FUT8: variants seen among roughly 807,000 people sequenced by gnomAD.
FUT8 encodes the protein fucosyltransferase 8, also known as alpha-(1,6)-fucosyltransferase.
In FUT8, 29 loss-of-function variants were observed where a neutral mutation model predicts 71.3. That is an observed-to-expected ratio of 0.41 (90% CI 0.30 to 0.55). The LOEUF is 0.55. FUT8 is among the 20% of genes least tolerant of loss of function. The probability of loss-of-function intolerance (pLI) is 0.34; values close to 1 mark genes in which losing one functional copy is unlikely to be tolerated. For synonymous variants in FUT8, 254 were observed against 239.3 expected (o/e 1.06, Z -0.57); for missense variants, 544 against 702.1 (o/e 0.77, Z 2.55).
chr14:65,451,605 G>T (rs1322880787), intron 1 of FUT8, among the ~76,000 whole-genome samples: 1 of 152,190 alleles, frequency 6.6e-6, no homozygotes, highest in East Asian at 1.9e-4. Context: ...CTCTTGTCTG[G>T]CGCCCAGGAA....
chr14:65,730,208 A>G (rs1280208256), intron 9 of FUT8, among the ~76,000 whole-genome samples: 8 of 152,218 alleles, frequency 5.3e-5, no homozygotes, highest in Admixed American at 5.2e-4. Context: ...AATGATGTAT[A>G]GTGTTCACAC....
chr14:65,701,778 G>A (rs902919594), intron 7 of FUT8, among the ~76,000 whole-genome samples: 1 of 152,084 alleles, frequency 6.6e-6, no homozygotes, highest in African/African-American at 2.4e-5. Flanking sequence ...CCTAGATCTA[G>A]TACACATTAT....
intron 6 of FUT8, among the ~76,000 whole-genome samples, chr14:65,651,471 A>C (rs1005238811): frequency 1.3e-5 from 2 of 152,230 alleles, no homozygotes; most frequent in Non-Finnish European, 2.9e-5. Context: ...CAAAGTAGAA[A>C]ATTTAAACAA....
At position 65,629,300 on chromosome 14, in the gene FUT8, T is replaced by C. The variant is rs1170293972; in HGVS notation, c.483-192T>C. ...TATTTTCTCAACAGTGAAAATTTAC[T>C]ATAGGAATGACTATTGGATTTTAAG... On this transcript the variant is annotated intron_variant, in intron 5 of 10. Transcript: ENST00000673929. Among the ~76,000 whole-genome samples, 7 of 152,230 alleles carry C rather than the reference T, an allele frequency of 4.6e-5. No individual in the cohort carries two copies. The East Asian group carries it at 1.3e-3, about 29-fold the overall frequency.
intron 6 of FUT8, among the ~76,000 whole-genome samples, chr14:65,662,525 C>T (rs1892017737): frequency 6.6e-6 from 1 of 152,132 alleles, no homozygotes; most frequent in Non-Finnish European, 1.5e-5. Context: ...AAAAATGTTA[C>T]ATAATGTTGT....
the FUT8 span, among the ~76,000 whole-genome samples, chr14:65,376,113 A>C: frequency 6.6e-6 from 1 of 151,760 alleles, no homozygotes; most frequent in Admixed American, 6.6e-5. Context: ...ATAATAAAAT[A>C]AATAAAATAA....
intron 7 of FUT8, among the ~76,000 whole-genome samples, chr14:65,694,427 A>G (rs1489474146): frequency 6.6e-6 from 1 of 152,208 alleles, no homozygotes; most frequent in Non-Finnish European, 1.5e-5. Context: ...AAATAACACA[A>G]AGTGCTTCAG....
the FUT8 span, among the ~76,000 whole-genome samples, chr14:65,369,192 A>T: frequency 6.6e-6 from 1 of 152,312 alleles, no homozygotes; most frequent in African/African-American, 2.4e-5. This position sits in a 1 kb window ranked among gnomAD's most constrained non-coding sequence, Gnocchi z 4.6. Context: ...AGCCTTACAG[A>T]TTAGGTGAAT....
the FUT8 span, among the ~76,000 whole-genome samples, chr14:65,393,026 G>A: frequency 9.2e-5 from 14 of 152,316 alleles, no homozygotes; most frequent in African/African-American, 3.1e-4. Context: ...CAGACTAGGA[G>A]TGGATGTATT....
intron 5 of FUT8, chr14:65,617,142 G>C (rs1341811026): frequency 6.3e-7 from 1 of 1,593,668 alleles, no homozygotes; most frequent in African/African-American, 1.4e-5. Flanking sequence ...AAAAATTGTT[G>C]TATTAGCACA....
At chr14:65,601,965 T>C (rs1212307063) in intron 3 of FUT8, among the ~76,000 whole-genome samples, 2 of 152,068 alleles carry the variant, frequency 1.3e-5, no homozygotes, top group Non-Finnish European at 2.9e-5. Context: ...TTTTGAAGTT[T>C]TGATGGTTTT....
chr14:65,575,302 A>G (rs1160124413), intron 3 of FUT8, among the ~76,000 whole-genome samples: 1 of 151,258 alleles, frequency 6.6e-6, no homozygotes, highest in Non-Finnish European at 1.5e-5. Context: ...ACATATGGCA[A>G]GACTTTAAAT....
chr14:65,653,627 C>G (rs1891523218), intron 6 of FUT8, among the ~76,000 whole-genome samples: 1 of 152,092 alleles, frequency 6.6e-6, no homozygotes, highest in Non-Finnish European at 1.5e-5. Flanking sequence ...AGAGAAGCAG[C>G]GCATTAATTG....
intron 2 of FUT8, among the ~76,000 whole-genome samples, chr14:65,546,725 G>T (rs1885005180): frequency 2.0e-5 from 3 of 151,674 alleles, no homozygotes; most frequent in Admixed American, 6.6e-5. Flanking sequence ...GTATATATTT[G>T]CAAGAAATTG....
Position 65,627,160 on chromosome 14 carries a change from T to C in FUT8, c.483-2332T>C, listed in dbSNP as rs983545333. Among the ~76,000 whole-genome samples the C allele has an allele frequency of 6.6e-6, 1 of 152,170 alleles. No homozygotes were observed. Among genetic ancestry groups the C allele is most frequent in the African/African-American group, 2.4e-5 (1 of 41,444 alleles). ...AAGAAGCAACCAAAAAAAAGTTCAT[T>C]CTTTTGGAGCTTAAATTCTAGTAGG... On this transcript the variant is annotated intron_variant, in intron 5 of 10. Coordinates refer to ENST00000673929, the MANE Select transcript of FUT8 (RefSeq NM_001371533.1). The surrounding 1 kb of genome is among the most constrained non-coding windows in gnomAD (Gnocchi z 4.0).
At chr14:65,492,735 C>T (rs2066500304) in intron 2 of FUT8, among the ~76,000 whole-genome samples, 1 of 152,048 alleles carries the variant, frequency 6.6e-6, no homozygotes, top group Non-Finnish European at 1.5e-5. Context: ...GGAAATAAAA[C>T]ATAATGTAAA....
At position 65,596,824 on chromosome 14, in the gene FUT8, C is replaced by G. The variant is rs1888007393; in HGVS notation, c.204-19154C>G. Among the ~76,000 whole-genome samples the G allele has an allele frequency of 1.3e-5, 2 of 152,084 alleles. 1 individual carries two copies. The highest frequency in any genetic ancestry group is 4.1e-4 in the South Asian group (2 of 4,824). ...TTTGAGTTTTCCAAGCATGGTCTAT[C>G]TAAACACTTACTGTGATATGTAGAA... On this transcript the variant is annotated intron_variant, in intron 3 of 10. Coordinates refer to ENST00000673929, the MANE Select transcript of FUT8 (RefSeq NM_001371533.1).
At chr14:65,455,845 A>C in intron 2 of FUT8, 127 bp downstream of exon 2, 1 of 391,962 alleles carries the variant, frequency 2.6e-6, no homozygotes, top group Non-Finnish European at 4.5e-6. Context: ...GTCAGTCTAA[A>C]CTCTGTTGAA....
chr14:65,616,374 G>T lies in FUT8; in HGVS notation c.482+1G>T. 1 of 1,564,088 alleles carries T rather than the reference G, an allele frequency of 6.4e-7. No homozygotes were observed. The highest frequency in any genetic ancestry group is 8.6e-7 in the Non-Finnish European group (1 of 1,156,642). On this transcript the variant is annotated splice_donor_variant, in intron 5 of 10. Transcript: ENST00000673929. LOFTEE classifies it high-confidence loss of function. ...TTTTGGATTTAGGACATCATGAAAG[G>T]TACTATTCTCCTTTCACATTTTATT...
Sources: gnomAD v4.1 joint callset for allele counts (sites outside exome capture counted in the v4.1 genomes callset) on GRCh38, gnomAD v4.1.1 for gene constraint, Gnocchi (gnomAD v3.1) non-coding constraint, MANE v1.5 for transcripts, NCBI Gene and HGNC (gene_info 2026-07-23, HGNC 2026-07-21) for gene names.